The following STARD13 variants were observed in gnomAD, a reference collection of about 807,000 sequenced individuals.
STARD13 encodes the protein StAR related lipid transfer domain containing 13.
In STARD13, 62 loss-of-function variants were observed where a neutral mutation model predicts 106.4. That is an observed-to-expected ratio of 0.58 (90% CI 0.48 to 0.72). The LOEUF is 0.72. STARD13 is among the 30% of genes least tolerant of loss of function. The probability of loss-of-function intolerance (pLI) is 0.00; values close to 1 mark genes in which losing one functional copy is unlikely to be tolerated. For synonymous variants in STARD13, 565 were observed against 553.0 expected, an observed-to-expected ratio of 1.02 and a Z score of -0.31; for missense variants, 1,387 against 1,424.0, an observed-to-expected ratio of 0.97 and a Z score of 0.42.
chr13:33,400,752 C>T, the STARD13 span, among the ~76,000 whole-genome samples: 21 of 152,156 alleles, frequency 1.4e-4, no homozygotes, highest in Admixed American at 4.6e-4. Context: ...CGTGAACCAC[C>T]GCACCCAGCC....
chr13:33,373,197 G>T, the STARD13 span, among the ~76,000 whole-genome samples: 1 of 152,140 alleles, frequency 6.6e-6, no homozygotes, highest in Non-Finnish European at 1.5e-5. Context: ...TAAGGACAAT[G>T]ATGGGGCATT....
the STARD13 span, among the ~76,000 whole-genome samples, chr13:33,636,634 T>C: frequency 1.3e-5 from 2 of 152,248 alleles, no homozygotes; most frequent in Admixed American, 6.5e-5. Flanking sequence ...AGTCTATTCC[T>C]GTATCTCCAG....
the STARD13 span, among the ~76,000 whole-genome samples, chr13:33,667,629 A>T: frequency 2.6e-5 from 4 of 152,272 alleles, no homozygotes; most frequent in African/African-American, 9.6e-5. Flanking sequence ...TATCATTAAG[A>T]AAGAAAAACA....
At position 33,167,589 on chromosome 13, in the gene STARD13, C is replaced by T. The variant is rs1175207413; in HGVS notation, c.203G>A (p.Arg68His). ...IEAKEACDWL[R>H]AAGFPQYAQL... ...AGCGTATTGCGGGAACCCGGCAGCA[C>T]GGAGCCAGTCACATGCTTCTTTTGC... is the stretch of plus-strand genomic sequence containing the variant. The change falls in exon 2 of 14, where the codon CGT (arginine) becomes CAT (histidine). Residue 68 changes from arginine (R) to histidine (H), a missense_variant. By Grantham distance (29) the Arg-to-His change is conservative. Coordinates refer to ENST00000336934, the MANE Select transcript of STARD13 (RefSeq NM_178006.4). 5.6e-6 allele frequency: 9 copies of T among 1,614,030 alleles called. No individual in the cohort carries two copies. In the African/African-American group the frequency reaches 6.7e-5, roughly 12 times the overall value.
At chr13:33,633,563 A>G in the STARD13 span, among the ~76,000 whole-genome samples, 16,378 of 152,276 alleles carry the variant, frequency 0.11, 1,451 homozygotes, top group African/African-American at 0.23. Context: ...TTAGCTCTAC[A>G]TGAATGATTG....
At chr13:33,405,167 A>T in the STARD13 span, among the ~76,000 whole-genome samples, 1 of 152,228 alleles carries the variant, frequency 6.6e-6, no homozygotes, top group Admixed American at 6.5e-5. Context: ...CTCCTCCTTA[A>T]GAATTAATGC....
chr13:33,225,642 C>T (rs576959354), intron 1 of STARD13, among the ~76,000 whole-genome samples: 14 of 152,166 alleles, frequency 9.2e-5, no homozygotes, highest in Admixed American at 2.6e-4. Flanking sequence ...GTATCATAAA[C>T]GTAGAGGTAT....
At chr13:33,160,020 T>C (rs1241037658) in intron 3 of STARD13, among the ~76,000 whole-genome samples, 4 of 152,138 alleles carry the variant, frequency 2.6e-5, no homozygotes, top group Admixed American at 2.6e-4. Flanking sequence ...GGCACTAGAA[T>C]AGCCAAAGCA....
At chr13:33,163,696 T>TATATATATAA (rs2138353210) in intron 3 of STARD13, among the ~76,000 whole-genome samples, 2 of 107,716 alleles carry the variant, frequency 1.9e-5, no homozygotes, top group South Asian at 5.1e-4. Context: ...TATATATATA[T>TATATATATAA]AACATATATA....
At chr13:33,382,793 G>A in the STARD13 span, among the ~76,000 whole-genome samples, 1 of 152,088 alleles carries the variant, frequency 6.6e-6, no homozygotes, top group Non-Finnish European at 1.5e-5. Flanking sequence ...AGAAATAAAT[G>A]CTCTTCCACC....
the STARD13 span, among the ~76,000 whole-genome samples, chr13:33,431,543 C>T: frequency 3.9e-5 from 6 of 152,102 alleles, no homozygotes; most frequent in East Asian, 1.9e-4. Context: ...GGCTTAAAAT[C>T]GAATCATGGG....
intron 3 of STARD13, among the ~76,000 whole-genome samples, chr13:33,161,758 C>T (rs566947154): frequency 2.2e-4 from 33 of 152,130 alleles, no homozygotes; most frequent in African/African-American, 6.0e-4. Flanking sequence ...AAGACATACC[C>T]GAGACTGGGA....
chr13:33,167,004 AAAAAAAAAACC>A (rs1244561501), intron 2 of STARD13, among the ~76,000 whole-genome samples: 3 of 112,242 alleles, frequency 2.7e-5, no homozygotes, highest in Non-Finnish European at 5.3e-5. Context: ...AAAAAAAAAC[AAAAAAAAAACC>A]AAAAAAAAAT....
the STARD13 span, among the ~76,000 whole-genome samples, chr13:33,572,067 T>A: frequency 9.2e-5 from 14 of 152,216 alleles, no homozygotes; most frequent in Non-Finnish European, 1.5e-5. Context: ...TTTGCTTCAA[T>A]AAGCAAGCAC....
At position 33,109,611 on chromosome 13, in the gene STARD13, A is replaced by G. The variant is rs577062122; in HGVS notation, c.3047+262T>C. Reference sequence around the variant, plus strand: ...GCCGTCTGCTCTGAGGAAATGAATAATATTTATGGCCTAATAAACTGTGTG... The same window carrying G: ...GCCGTCTGCTCTGAGGAAATGAATAGTATTTATGGCCTAATAAACTGTGTG... On this transcript the variant is annotated intron_variant, in intron 12 of 13. Coordinates refer to ENST00000336934, the MANE Select transcript of STARD13 (RefSeq NM_178006.4). Among the ~76,000 whole-genome samples the G allele has an allele frequency of 8.9e-4, 136 of 152,336 alleles. 2 individuals carry two copies. Among genetic ancestry groups the G allele is most frequent in the African/African-American group, 3.2e-3 (132 of 41,574 alleles).
chr13:33,622,633 A>AAAG, the STARD13 span, among the ~76,000 whole-genome samples: 1 of 148,162 alleles, frequency 6.7e-6, no homozygotes, highest in Admixed American at 6.7e-5. Context: ...AAAAAAAAAA[A>AAAG]AAAAAAGGCT....
At chr13:33,157,055 A>G (rs932956079) in intron 3 of STARD13, among the ~76,000 whole-genome samples, 24 of 152,200 alleles carry the variant, frequency 1.6e-4, no homozygotes, top group Non-Finnish European at 2.8e-4. Context: ...CAATATTCAT[A>G]AAGACTTTAA....
chr13:33,636,843 A>G, the STARD13 span, among the ~76,000 whole-genome samples: 388 of 152,246 alleles, frequency 2.5e-3, 3 homozygotes, highest in Non-Finnish European at 4.4e-3. Context: ...AAGTTATACC[A>G]CTTACACAAC....
At chr13:33,157,630 A>T (rs929267993) in intron 3 of STARD13, among the ~76,000 whole-genome samples, 1 of 152,202 alleles carries the variant, frequency 6.6e-6, no homozygotes, top group African/African-American at 2.4e-5. Context: ...AGATTGCACC[A>T]CTGCACTCCA....
Sources: gnomAD v4.1 joint callset for allele counts (sites outside exome capture counted in the v4.1 genomes callset) on GRCh38, gnomAD v4.1.1 for gene constraint, MANE v1.5 for transcripts, NCBI Gene and HGNC (gene_info 2026-07-23, HGNC 2026-07-21) for gene names.